Variants in SLC44A1 observed in about 807,000 individuals in gnomAD.
The protein encoded by SLC44A1 is choline transporter-like protein 1.
SLC44A1 carries 26 observed loss-of-function variants against 79.3 expected under a neutral mutation model. The ratio of observed to expected loss-of-function variants is 0.33; its 90% CI spans 0.24 to 0.46. The LOEUF is 0.46. Among genes scored for constraint, SLC44A1 ranks in the 20% least tolerant of loss-of-function variants. The pLI is 1.00. For synonymous variants in SLC44A1, 263 were observed against 286.2 expected, an observed-to-expected ratio of 0.92 and a Z score of 0.82; for missense variants, 688 against 798.1, an observed-to-expected ratio of 0.86 and a Z score of 1.66.
intron 3 of SLC44A1, among the ~76,000 whole-genome samples, chr9:105,328,467 G>A (rs1403841796): frequency 6.6e-6 from 1 of 152,184 alleles, no homozygotes; most frequent in Non-Finnish European, 1.5e-5. Flanking sequence ...GATAGGCAGT[G>A]CAGCAGCCCC....
chr9:105,320,504 G>A (rs1308707975), intron 3 of SLC44A1, among the ~76,000 whole-genome samples: 2 of 152,016 alleles, frequency 1.3e-5, no homozygotes, highest in Admixed American at 6.6e-5. Context: ...ACAATAGTAG[G>A]AGGGTTATAT....
In SLC44A1 at chr9:105,365,554, C is replaced by T. The variant is rs765808925; in HGVS notation, c.1325C>T (p.Thr442Met). ...CGCCTTATTCGTTACCACCTAGGTA[C>T]GGTGGCAAAAGGATCTTTCATTATC... ...VNRLIRYHLG[T>M]VAKGSFIITL... The change falls in exon 11 of 16, where the codon ACG (threonine) becomes ATG (methionine). Residue 442 changes from threonine to methionine, a missense_variant. Physicochemically the swap from Thr to Met is moderately conservative, Grantham distance 81. Transcript: ENST00000374720. 17 of 1,611,024 alleles carry T rather than the reference C, an allele frequency of 1.1e-5. No homozygotes were observed. The South Asian group carries it at 1.5e-4, about 15-fold the overall frequency.
At chr9:105,372,863 T>C (rs1293958924) in intron 12 of SLC44A1, among the ~76,000 whole-genome samples, 7 of 144,030 alleles carry the variant, frequency 4.9e-5, no homozygotes, top group Non-Finnish European at 1.1e-4. Flanking sequence ...GGCAGGAGAA[T>C]GGCGTGAACC....
At chr9:105,267,324 T>G (rs1379351651) in intron 1 of SLC44A1, among the ~76,000 whole-genome samples, 1 of 152,162 alleles carries the variant, frequency 6.6e-6, no homozygotes, top group Non-Finnish European at 1.5e-5. Context: ...AGTTCTGACA[T>G]TTTTCAGCGA....
rs747681553 is a variant in SLC44A1 at position 105,394,822 on chromosome 9, C to T, written c.*5766C>T. 1.8e-4 allele frequency: 180 copies of T among 985,254 alleles called. No individual in the cohort carries two copies. The highest frequency in any genetic ancestry group is 2.1e-4 in the Non-Finnish European group (173 of 829,922). The allele number at this position is 985,254 out of a possible 1,614,324, so 61.0% of individuals were successfully genotyped here. On this transcript the variant is annotated 3_prime_UTR_variant, in exon 16 of 16. Coordinates refer to ENST00000374720, the MANE Select transcript of SLC44A1 (RefSeq NM_080546.5). ...ATGTTTTTTCTTCCTGCATAAATCA[C>T]GGAGGTGTGTTCTGTTTTAGTGTTT...
chr9:105,412,135 G>A (rs7046945), intron 15 of SLC44A1, among the ~76,000 whole-genome samples: 2 of 151,898 alleles, frequency 1.3e-5, no homozygotes, highest in African/African-American at 4.8e-5. Flanking sequence ...CACCCACTTA[G>A]TTTTTCATCA....
intron 15 of SLC44A1, among the ~76,000 whole-genome samples, chr9:105,418,513 G>T (rs1017941688): frequency 6.6e-6 from 1 of 152,160 alleles, no homozygotes; most frequent in African/African-American, 2.4e-5. Flanking sequence ...TTAGCTTACA[G>T]ATTTTCTGTC....
At position 105,396,020 on chromosome 9, in the gene SLC44A1, G is replaced by A. The variant is rs1434579091; in HGVS notation, c.*6964G>A. 1 of 985,010 alleles carries A rather than the reference G, an allele frequency of 1.0e-6. No individual in the cohort carries two copies. The highest frequency in any genetic ancestry group is 1.8e-5 in the African/African-American group (1 of 57,116). 61.0% of individuals were successfully genotyped at this position (985,010 alleles called of 1,614,324 possible). On this transcript the variant is annotated 3_prime_UTR_variant, in exon 16 of 16. Coordinates refer to ENST00000374720, the MANE Select transcript of SLC44A1 (RefSeq NM_080546.5). ...AAGTAGATTTTCCCCCATCCTCTAG[G>A]TTCCTGTAGTCTGTGCTCAGAACTT...
intron 3 of SLC44A1, among the ~76,000 whole-genome samples, chr9:105,319,431 C>G (rs927961634): frequency 5.3e-5 from 8 of 152,234 alleles, no homozygotes; most frequent in South Asian, 2.1e-4. Context: ...CAGTGTGTGA[C>G]AATACACAGA....
chr9:105,361,948 G>A (rs962953741), intron 8 of SLC44A1, among the ~76,000 whole-genome samples: 1 of 152,196 alleles, frequency 6.6e-6, no homozygotes, highest in African/African-American at 2.4e-5. Flanking sequence ...CTACTCGGGA[G>A]GCAGAGGTGG....
At chr9:105,292,816 T>C (rs2131275085) in intron 1 of SLC44A1, among the ~76,000 whole-genome samples, 1 of 152,348 alleles carries the variant, frequency 6.6e-6, no homozygotes. Flanking sequence ...GTCTTACTTG[T>C]TGCATCTCAA....
At chr9:105,376,454 A>G (rs1588848534) in intron 13 of SLC44A1, among the ~76,000 whole-genome samples, 1 of 151,172 alleles carries the variant, frequency 6.6e-6, no homozygotes, top group African/African-American at 2.4e-5. Context: ...GCTCACTGCA[A>G]CCTCCGCGTC....
chr9:105,245,784 C>T (rs1210336286), intron 1 of SLC44A1, among the ~76,000 whole-genome samples: 1 of 152,254 alleles, frequency 6.6e-6, no homozygotes, highest in Non-Finnish European at 1.5e-5. Flanking sequence ...CAAATTTCGC[C>T]AACCTCCTTC....
At chr9:105,409,371 T>A (rs1829067795) in intron 15 of SLC44A1, among the ~76,000 whole-genome samples, 1 of 152,180 alleles carries the variant, frequency 6.6e-6, no homozygotes, top group East Asian at 1.9e-4. Flanking sequence ...GAACAATGCA[T>A]CAATAACATA....
At chr9:105,278,470 G>A (rs963088037) in intron 1 of SLC44A1, among the ~76,000 whole-genome samples, 1 of 152,118 alleles carries the variant, frequency 6.6e-6, no homozygotes, top group Non-Finnish European at 1.5e-5. Flanking sequence ...GGAGGGTCTC[G>A]ATCTCTTGAC....
At position 105,392,713 on chromosome 9, in the gene SLC44A1, C is replaced by G; in HGVS notation, c.*3657C>G. 2.0e-6 allele frequency: 2 copies of G among 985,404 alleles called. No individual in the cohort carries two copies. Among genetic ancestry groups the G allele is most frequent in the Non-Finnish European group, 2.4e-6 (2 of 829,926 alleles). The allele number at this position is 985,404 out of a possible 1,614,324, so 61.0% of individuals were successfully genotyped here. ...TATTTCCACCATGCACTATTACTAG[C>G]TACTAACAGCCATTTTAAGAGATCT... On this transcript the variant is annotated 3_prime_UTR_variant, in exon 16 of 16. Transcript: ENST00000374720.
chr9:105,386,303 C>T (rs1487696166), intron 15 of SLC44A1: 7 of 942,900 alleles, frequency 7.4e-6, no homozygotes, highest in Admixed American at 6.2e-5. Flanking sequence ...GGTCTAATTA[C>T]TTCCTAATTT....
chr9:105,414,156 G>A (rs1471255953), intron 15 of SLC44A1, among the ~76,000 whole-genome samples: 1 of 151,020 alleles, frequency 6.6e-6, no homozygotes, highest in African/African-American at 2.4e-5. Flanking sequence ...TCTGCCTCCC[G>A]GGTTCGAGCA....
intron 15 of SLC44A1, among the ~76,000 whole-genome samples, chr9:105,388,330 A>G (rs150871938): frequency 6.6e-6 from 1 of 152,330 alleles, no homozygotes; most frequent in African/African-American, 2.4e-5. Flanking sequence ...GGGGATTGAT[A>G]GAATTTAGGA....
Sources: allele counts gnomAD v4.1 joint callset (sites outside exome capture counted in the v4.1 genomes callset), GRCh38; gene constraint gnomAD v4.1.1; transcripts MANE v1.5; gene names NCBI Gene and HGNC (gene_info 2026-07-23, HGNC 2026-07-21).